HK1: variants seen among roughly 807,000 people sequenced by gnomAD.
HK1 encodes the protein hexokinase-1.
A neutral mutation model predicts 91.6 loss-of-function variants in HK1; 28 were observed. The ratio of observed to expected loss-of-function variants is 0.31; its 90% CI spans 0.23 to 0.42. HK1 has a LOEUF of 0.42. Ranked by LOEUF, HK1 falls within the 10% of genes least tolerant of loss-of-function variation. The pLI, the probability that HK1 is intolerant of heterozygous loss-of-function variation, is 1.00. For synonymous variants in HK1, 430 were observed against 468.1 expected (o/e 0.92, Z 1.05); for missense variants, 770 against 1,219.8 (o/e 0.63, Z 5.49).
chr10:69,384,684 G>A (rs1034118011), intron 11 of HK1, 112 bp from the exon 12 acceptor site: 10 of 1,469,828 alleles, frequency 6.8e-6, no homozygotes, highest in African/African-American at 1.4e-5. Context: ...CACTCTGCAT[G>A]TGTGTGGGGT....
At chr10:69,344,928 TG>T (rs1589516469) in intron 2 of HK1, among the ~76,000 whole-genome samples, 1 of 151,876 alleles carries the variant, frequency 6.6e-6, no homozygotes, top group East Asian at 1.9e-4. Context: ...CTTGGGGTTG[TG>T]AGTACACGAC....
At chr10:69,384,547 A>G (rs1839540350) in intron 11 of HK1, 66 bp downstream of exon 11, 1 of 1,603,006 alleles carries the variant, frequency 6.2e-7, no homozygotes. Context: ...CAGTCACGTG[A>G]TGACCAAAAT....
intron 1 of HK1, among the ~76,000 whole-genome samples, chr10:69,324,801 G>C (rs1327033593): frequency 6.6e-6 from 1 of 152,102 alleles, no homozygotes; most frequent in African/African-American, 2.4e-5. Flanking sequence ...GGAGTAGCAG[G>C]ACAGGTGCCC....
chr10:69,393,699 G>A (rs1047840816), intron 15 of HK1, among the ~76,000 whole-genome samples: 2 of 152,184 alleles, frequency 1.3e-5, no homozygotes, highest in South Asian at 2.1e-4. Flanking sequence ...GTGAAGAACC[G>A]TGCTATTCAA....
intron 7 of HK1, among the ~76,000 whole-genome samples, chr10:69,370,251 G>A (rs1485758733): frequency 2.6e-5 from 4 of 152,104 alleles, no homozygotes; most frequent in African/African-American, 7.2e-5. Context: ...TGGGGAATGC[G>A]GCCAGAGTTG....
chr10:69,276,103 A>T, intron 1 of HK1, among the ~76,000 whole-genome samples: 1 of 54,818 alleles, frequency 1.8e-5, no homozygotes, highest in East Asian at 7.0e-4. Context: ...AAAAAAAAAA[A>T]AAAAAAAAAA....
In HK1 at chr10:69,336,897, G is replaced by A. The variant is rs190893115; in HGVS notation, c.64-6930G>A. ...ACCTCTCAAGTGATCCACCCGCCTC[G>A]GCCTCCCATAGTGCTGGGATTACAA... On this transcript the variant is annotated intron_variant, in intron 1 of 17. Transcript: ENST00000359426. Among the ~76,000 whole-genome samples, 500 of 152,014 alleles carry A rather than the reference G, an allele frequency of 3.3e-3. 1 individual carries two copies. The highest frequency in any genetic ancestry group is 0.011 in the African/African-American group (475 of 41,482).
At chr10:69,279,415 A>C (rs1844628348) in intron 1 of HK1, among the ~76,000 whole-genome samples, 1 of 152,174 alleles carries the variant, frequency 6.6e-6, no homozygotes, top group Admixed American at 6.5e-5. Context: ...TCCATGGTTG[A>C]CTTTGGTGTC....
At position 69,318,982 on chromosome 10, in the gene HK1, C is replaced by A; in HGVS notation, c.35C>A (p.Thr12Lys). 6.2e-7 allele frequency: 1 copy of A among 1,603,194 alleles called. No homozygotes were observed. Among genetic ancestry groups the A allele is most frequent in the East Asian group, 2.3e-5 (1 of 44,364 alleles). ...IAAQLLAYYF[T>K]ELKDDQVKKI... Reference sequence around the variant, plus strand: ...GCGCAGCTCCTGGCCTATTACTTCACGGAGCTGAAGGATGACCAGGTCAAA... The same window carrying A: ...GCGCAGCTCCTGGCCTATTACTTCAAGGAGCTGAAGGATGACCAGGTCAAA... The change falls in exon 1 of 18, where the codon ACG becomes AAG. Residue 12 changes from threonine (T) to lysine (K), a missense_variant. Thr to Lys is a moderately conservative substitution (Grantham distance 78). Transcript: ENST00000359426.
chr10:69,379,395 A>G (rs1225290930), intron 8 of HK1, among the ~76,000 whole-genome samples: 1 of 152,236 alleles, frequency 6.6e-6, no homozygotes, highest in Non-Finnish European at 1.5e-5. Context: ...AGCAATAACA[A>G]AACTATAAAG....
At chr10:69,356,009 G>A (rs1372742754) in intron 2 of HK1, among the ~76,000 whole-genome samples, 1 of 152,172 alleles carries the variant, frequency 6.6e-6, no homozygotes, top group Non-Finnish European at 1.5e-5. Flanking sequence ...AAATGTGGGA[G>A]CTAAAACTAA....
At chr10:69,280,380 G>T (rs188642319) in intron 1 of HK1, among the ~76,000 whole-genome samples, 1 of 152,314 alleles carries the variant, frequency 6.6e-6, no homozygotes, top group African/African-American at 2.4e-5. Context: ...GCCTCCCAAA[G>T]TGCTGGGATT....
chr10:69,358,165 A>G (rs1315527057), intron 2 of HK1, among the ~76,000 whole-genome samples: 1 of 152,136 alleles, frequency 6.6e-6, no homozygotes, highest in African/African-American at 2.4e-5. Flanking sequence ...CTGGCGTGGT[A>G]GATATTAGGA....
At chr10:69,352,459 CTCTT>C (rs942311760) in intron 2 of HK1, among the ~76,000 whole-genome samples, 4 of 152,162 alleles carry the variant, frequency 2.6e-5, no homozygotes, top group African/African-American at 9.7e-5. Context: ...CTTGTTCTCT[CTCTT>C]TCCTTTGGAC....
chr10:69,394,944 T>A lies in HK1; in HGVS notation c.2220-6T>A, dbSNP rs1241415695. ...TAGACACCCCAGGCCCCTCCTCCTG[T>A]CTCAGGTATGAGAAGATGATCAGTG... On this transcript the variant is annotated splice_polypyrimidine_tract_variant and splice_region_variant and intron_variant, in intron 15 of 17. Coordinates refer to ENST00000359426, the MANE Select transcript of HK1 (RefSeq NM_000188.3). The A allele has an allele frequency of 5.0e-6, 8 of 1,613,920 alleles. No homozygotes were observed. The South Asian group carries it at 8.8e-5, about 18-fold the overall frequency.
At chr10:69,315,704 G>A, upstream of HK1, 1 of 558,560 alleles carries the variant, frequency 1.8e-6, no homozygotes, top group Non-Finnish European at 3.3e-6. Context: ...CTGTCTGATT[G>A]GGGCAGATAG....
chr10:69,329,973 C>T (rs1847614280), intron 1 of HK1, among the ~76,000 whole-genome samples: 1 of 152,032 alleles, frequency 6.6e-6, no homozygotes, highest in Non-Finnish European at 1.5e-5. Context: ...TCTCCCTTTT[C>T]ATTTGTCTCC....
rs150869156 is a variant in HK1 at position 69,377,036 on chromosome 10, G to T, written c.978G>T (p.Pro326=). Residue 326 remains proline, a synonymous_variant, in exon 8 of 18, where the codon CCG becomes CCT. Transcript: ENST00000359426. ...EGLLFEGRIT[P]ELLTRGKFNT... ...TCTTATTTGAAGGGCGGATCACCCC[G>T]GAGCTGCTCACCCGAGGGAAGTTTA... 1 of 1,614,034 alleles carries T rather than the reference G, an allele frequency of 6.2e-7. No homozygotes were observed. Among genetic ancestry groups the T allele is most frequent in the Non-Finnish European group, 8.5e-7 (1 of 1,180,034 alleles).
intron 1 of HK1, among the ~76,000 whole-genome samples, chr10:69,328,870 C>T (rs1006560088): frequency 2.6e-5 from 4 of 151,892 alleles, no homozygotes; most frequent in Non-Finnish European, 5.9e-5. Flanking sequence ...ATGGATTTGC[C>T]TCTTATGGAC....
Sources: allele counts gnomAD v4.1 joint callset (sites outside exome capture counted in the v4.1 genomes callset), GRCh38; gene constraint gnomAD v4.1.1; transcripts MANE v1.5; gene names NCBI Gene and HGNC (gene_info 2026-07-23, HGNC 2026-07-21).